FAM13C: variants seen among roughly 807,000 people sequenced by gnomAD.
The protein encoded by FAM13C is protein FAM13C.
In FAM13C, 37 loss-of-function variants were observed where a neutral mutation model predicts 73.2. That is an observed-to-expected ratio of 0.51 (90% CI 0.39 to 0.67). FAM13C has a LOEUF of 0.67. Ranked by LOEUF, FAM13C falls within the 30% of genes least tolerant of loss-of-function variation. The probability of loss-of-function intolerance (pLI) is 0.00; values close to 1 mark genes in which losing one functional copy is unlikely to be tolerated. For synonymous variants in FAM13C, 246 were observed against 260.9 expected, an observed-to-expected ratio of 0.94 and a Z score of 0.55; for missense variants, 589 against 715.6, an observed-to-expected ratio of 0.82 and a Z score of 2.02.
In FAM13C at chr10:59,264,293, T is replaced by A. The variant is rs928570572; in HGVS notation, c.943-127A>T. 11 of 650,474 alleles carry A rather than the reference T, an allele frequency of 1.7e-5. No homozygotes were observed. In the African/African-American group the frequency reaches 2.0e-4, roughly 12 times the overall value. The allele number at this position is 650,474 out of a possible 1,614,324, so 40.3% of individuals were successfully genotyped here. A position where few individuals can be genotyped will look rare whatever the true frequency, so the allele number is the denominator to read the frequency against. On this transcript the variant is annotated intron_variant, in intron 8 of 13. Transcript: ENST00000618804. ...TACACAAAGATAGTTTAGGAATATATAAAGCTGGGAGAGAAATTCGGGTGT... is the reference window on the plus strand; with the variant it reads ...TACACAAAGATAGTTTAGGAATATAAAAAGCTGGGAGAGAAATTCGGGTGT...
intron 1 of FAM13C, among the ~76,000 whole-genome samples, chr10:59,359,945 G>C (rs1016106273): frequency 6.6e-6 from 1 of 152,204 alleles, no homozygotes; most frequent in African/African-American, 2.4e-5. Context: ...ATTGACCATG[G>C]AAAAATATTA....
chr10:59,272,607 C>A (rs571817168), intron 6 of FAM13C, among the ~76,000 whole-genome samples: 1 of 152,284 alleles, frequency 6.6e-6, no homozygotes, highest in South Asian at 2.1e-4. Context: ...GGCAGCTTGC[C>A]AGGACTCATC....
At chr10:59,313,552 A>G (rs1329697409) in intron 4 of FAM13C, among the ~76,000 whole-genome samples, 5 of 152,176 alleles carry the variant, frequency 3.3e-5, no homozygotes, top group African/African-American at 9.7e-5. Flanking sequence ...TCTGAATCAC[A>G]TGTCCAAGTT....
chr10:59,317,893 C>T (rs556869243), intron 4 of FAM13C, among the ~76,000 whole-genome samples: 3 of 151,992 alleles, frequency 2.0e-5, no homozygotes, highest in Non-Finnish European at 2.9e-5. Flanking sequence ...ATCCCTCCCC[C>T]CTTCCCCCAC....
rs1841360208 is a variant in FAM13C at position 59,251,410 on chromosome 10, CT to C, written c.1634+164del. ...CATGTCCCATGAAACATCCCTAATA[CT>C]GGCACTATTAGAATGTTGCATTGGA... On this transcript the variant is annotated intron_variant, in intron 13 of 13. Coordinates refer to ENST00000618804, the MANE Select transcript of FAM13C (RefSeq NM_198215.4). 3 of 666,438 alleles carry C rather than the reference CT, an allele frequency of 4.5e-6. No homozygotes were observed. In the East Asian group the frequency reaches 7.6e-5, roughly 17 times the overall value. 41.3% of individuals were successfully genotyped at this position (666,438 alleles called of 1,614,324 possible). A position where few individuals can be genotyped will look rare whatever the true frequency, so the allele number is the denominator to read the frequency against.
Position 59,252,948 on chromosome 10 carries a change from A to T in FAM13C, c.1383T>A (p.Pro461=). The T allele has an allele frequency of 6.2e-7, 1 of 1,614,094 alleles. No individual in the cohort carries two copies. Among genetic ancestry groups the T allele is most frequent in the Non-Finnish European group, 8.5e-7 (1 of 1,180,004 alleles). The change falls in exon 12 of 14, where the codon CCT becomes CCA. Residue 461 remains proline, a synonymous_variant. Coordinates refer to ENST00000618804, the MANE Select transcript of FAM13C (RefSeq NM_198215.4). ...DEDRPQGSQQ[P]SLADPASHLP... is the part of the protein sequence containing the mutation. ...GGTGAGATGCTGGATCTGCCAAAGA[A>T]GGTTGTTGGCTTCCCTGTGGACGGT...
At chr10:59,324,545 G>A (rs1382435697) in intron 3 of FAM13C, among the ~76,000 whole-genome samples, 67 of 151,442 alleles carry the variant, frequency 4.4e-4, no homozygotes, top group Admixed American at 4.4e-3. Context: ...ACATGAGATT[G>A]GAATAAGTTG....
chr10:59,360,976 G>C, intron 1 of FAM13C: 1 of 1,271,344 alleles, frequency 7.9e-7, no homozygotes, highest in Non-Finnish European at 1.0e-6. Flanking sequence ...GAGAATCGGG[G>C]CCAGAAAGCA....
intron 4 of FAM13C, among the ~76,000 whole-genome samples, chr10:59,304,857 A>AGGGGGAGGGGG (rs1848073686): frequency 1.5e-5 from 1 of 67,672 alleles, no homozygotes; most frequent in Non-Finnish European, 3.2e-5. Context: ...GGGGGAGGGG[A>AGGGGGAGGGGG]AGGGAAAGGG....
chr10:59,257,026 C>T lies in FAM13C; in HGVS notation c.1237-2583G>A, dbSNP rs536851322. ...GGTTTCCTTTATGTTTTCGGTTACACGTTGAATAACCTAAAACAGCCAAAG... is the reference window on the plus strand; with the variant it reads ...GGTTTCCTTTATGTTTTCGGTTACATGTTGAATAACCTAAAACAGCCAAAG... On this transcript the variant is annotated intron_variant, in intron 10 of 13. Coordinates refer to ENST00000618804, the MANE Select transcript of FAM13C (RefSeq NM_198215.4). Among the ~76,000 whole-genome samples, 10 of 152,080 alleles carry T rather than the reference C, an allele frequency of 6.6e-5. No homozygotes were observed. The South Asian group carries it at 8.3e-4, about 13-fold the overall frequency.
chr10:59,292,274 T>G (rs1434105849), intron 5 of FAM13C, among the ~76,000 whole-genome samples: 1 of 152,282 alleles, frequency 6.6e-6, no homozygotes, highest in Non-Finnish European at 1.5e-5. Context: ...ACCAGTCATT[T>G]TTCCCAGAAC....
At chr10:59,351,134 T>G (rs1854978321) in intron 3 of FAM13C, among the ~76,000 whole-genome samples, 1 of 151,902 alleles carries the variant, frequency 6.6e-6, no homozygotes, top group South Asian at 2.1e-4. Context: ...GGTCAGCACT[T>G]GCCTGGTCAA....
intron 3 of FAM13C, among the ~76,000 whole-genome samples, chr10:59,338,123 A>T (rs1365921816): frequency 6.6e-6 from 1 of 152,190 alleles, no homozygotes; most frequent in East Asian, 1.9e-4. Context: ...ATCTCATTTA[A>T]TCTTTCAAAT....
chr10:59,256,007 A>T (rs1405285413), intron 10 of FAM13C, among the ~76,000 whole-genome samples: 2 of 152,214 alleles, frequency 1.3e-5, no homozygotes, highest in Non-Finnish European at 2.9e-5. Context: ...TCTTCTTTTA[A>T]GTTCCATACG....
chr10:59,315,449 T>A lies in FAM13C; in HGVS notation c.443+8539A>T, dbSNP rs1849415933. Among the ~76,000 whole-genome samples the A allele has an allele frequency of 3.9e-5, 6 of 152,136 alleles. No individual in the cohort carries two copies. In the South Asian group the frequency reaches 8.3e-4, roughly 21 times the overall value. On this transcript the variant is annotated intron_variant, in intron 4 of 13. Transcript: ENST00000618804. ...ATCTATCATGAAATTTAGTGGGGTT[T>A]TTTTTGTTTTTGTGTTTTTACAGGG...
intron 3 of FAM13C, among the ~76,000 whole-genome samples, chr10:59,347,051 T>C (rs1854387591): frequency 1.3e-5 from 2 of 152,124 alleles, no homozygotes; most frequent in African/African-American, 2.4e-5. Context: ...ATGGTCCTTA[T>C]TTAAGGCATT....
intron 9 of FAM13C, among the ~76,000 whole-genome samples, chr10:59,263,125 G>A (rs1842684429): frequency 6.6e-6 from 1 of 152,140 alleles, no homozygotes; most frequent in African/African-American, 2.4e-5. Context: ...GGGAGTGTCA[G>A]CCTCAACATG....
chr10:59,328,634 TGTG>T (rs1220868892), intron 3 of FAM13C, among the ~76,000 whole-genome samples: 1 of 152,220 alleles, frequency 6.6e-6, no homozygotes, highest in Non-Finnish European at 1.5e-5. Context: ...CCCTCCAGGA[TGTG>T]GTCAATCAAA....
rs147954642 is a variant in FAM13C at position 59,288,363 on chromosome 10, C to T, written c.508-4916G>A. Reference sequence around the variant, plus strand: ...AAAACTTTAGCCAGGCATGGTGGCACACTCCTGTAATCCCAGCTACTTGGG... The same window carrying T: ...AAAACTTTAGCCAGGCATGGTGGCATACTCCTGTAATCCCAGCTACTTGGG... On this transcript the variant is annotated intron_variant, in intron 5 of 13. Coordinates refer to ENST00000618804, the MANE Select transcript of FAM13C (RefSeq NM_198215.4). 1.2e-3 allele frequency among the ~76,000 whole-genome samples: 184 copies of T among 152,258 alleles called. 1 individual carries two copies. The highest frequency in any genetic ancestry group is 4.1e-3 in the African/African-American group (172 of 41,552).
Sources: allele counts gnomAD v4.1 joint callset (sites outside exome capture counted in the v4.1 genomes callset), GRCh38; gene constraint gnomAD v4.1.1; transcripts MANE v1.5; gene names NCBI Gene and HGNC (gene_info 2026-07-23, HGNC 2026-07-21).